Variants in COL5A2 observed in about 807,000 individuals in gnomAD.
COL5A2 encodes collagen alpha-2(V) chain.
In COL5A2, 23 loss-of-function variants were observed where a neutral mutation model predicts 208.2. The observed-to-expected ratio is 0.11, with a 90% CI of 0.08 to 0.16. The LOEUF (loss-of-function observed/expected upper bound fraction) is 0.16. Ranked by LOEUF, COL5A2 falls within the 10% of genes least tolerant of loss-of-function variation. The probability of loss-of-function intolerance (pLI) is 1.00; values close to 1 mark genes in which losing one functional copy is unlikely to be tolerated. For missense variants in COL5A2, 1,590 were observed against 1,956.4 expected, an observed-to-expected ratio of 0.81 and a Z score of 3.53; for synonymous variants, 625 against 628.5, an observed-to-expected ratio of 0.99 and a Z score of 0.08.
At chr2:189,093,610 G>C (rs1686836107) in intron 6 of COL5A2, among the ~76,000 whole-genome samples, 1 of 151,974 alleles carries the variant, frequency 6.6e-6, no homozygotes, top group Non-Finnish European at 1.5e-5. Context: ...GCAGTAGTGG[G>C]ACAAACAAGC....
chr2:189,102,583 T>A (rs1227682799), intron 3 of COL5A2, among the ~76,000 whole-genome samples: 1 of 152,110 alleles, frequency 6.6e-6, no homozygotes, highest in Non-Finnish European at 1.5e-5. Flanking sequence ...TGTACTCAGA[T>A]CCAGATGTGC....
At position 189,033,284 on chromosome 2, in the gene COL5A2, T is replaced by A. The variant is rs367811534; in HGVS notation, c.*786A>T. Reference sequence around the variant, plus strand: ...AAGAAAGTGTAAATGTATTAAATGGTATATACTAGTGTGACTTCTATCAAT... The same window carrying A: ...AAGAAAGTGTAAATGTATTAAATGGAATATACTAGTGTGACTTCTATCAAT... On this transcript the variant is annotated 3_prime_UTR_variant, in exon 54 of 54. Coordinates refer to ENST00000374866, the MANE Select transcript of COL5A2 (RefSeq NM_000393.5). 1.3e-5 allele frequency: 2 copies of A among 152,642 alleles called. No individual in the cohort carries two copies. Among genetic ancestry groups the A allele is most frequent in the East Asian group, 3.8e-4 (2 of 5,198 alleles). 9.5% of individuals were successfully genotyped at this position (152,642 alleles called of 1,614,324 possible). A position where few individuals can be genotyped will look rare whatever the true frequency, so the allele number is the denominator to read the frequency against.
chr2:189,156,636 T>G (rs536763827), intron 1 of COL5A2, among the ~76,000 whole-genome samples: 64 of 152,232 alleles, frequency 4.2e-4, no homozygotes, highest in African/African-American at 1.5e-3. Context: ...TTATCACACA[T>G]TGATGCTTTA....
chr2:189,352,483 C>G, the COL5A2 span, among the ~76,000 whole-genome samples: 1 of 152,064 alleles, frequency 6.6e-6, no homozygotes, highest in Non-Finnish European at 1.5e-5. Context: ...TTTTAATGAT[C>G]GCCATTCTAA....
chr2:189,372,129 C>T, the COL5A2 span, among the ~76,000 whole-genome samples: 1 of 152,202 alleles, frequency 6.6e-6, no homozygotes, highest in Non-Finnish European at 1.5e-5. Context: ...CCACATACAG[C>T]TCAAGCCACT....
At chr2:189,416,325 T>C in the COL5A2 span, among the ~76,000 whole-genome samples, 2 of 152,134 alleles carry the variant, frequency 1.3e-5, no homozygotes, top group Admixed American at 6.5e-5. Flanking sequence ...TGCCCAACAA[T>C]GATAGACTGG....
chr2:189,148,340 A>G (rs1032133883), intron 1 of COL5A2, among the ~76,000 whole-genome samples: 4 of 152,186 alleles, frequency 2.6e-5, no homozygotes, highest in African/African-American at 9.6e-5. Context: ...ATCATGTGGC[A>G]TAAGTTGACA....
chr2:189,052,140 T>C, intron 41 of COL5A2, 32 bp downstream of exon 41: 2 of 1,585,070 alleles, frequency 1.3e-6, no homozygotes, highest in South Asian at 2.2e-5. Context: ...ATTATTTCAT[T>C]ATCAGTGACT....
intron 1 of COL5A2, among the ~76,000 whole-genome samples, chr2:189,114,518 A>G (rs1687348307): frequency 6.6e-6 from 1 of 152,120 alleles, no homozygotes; most frequent in Non-Finnish European, 1.5e-5. Context: ...TAAAATAACA[A>G]AAATTTTCAA....
In COL5A2 at chr2:189,114,125, G is replaced by A. The variant is rs369242514; in HGVS notation, c.98-3676C>T. ...AATTTATAATTAAATTTAAGATGAT[G>A]TGGAAAGTTAGTTGGAATGCTTTTA... On this transcript the variant is annotated intron_variant, in intron 1 of 53. Coordinates refer to ENST00000374866, the MANE Select transcript of COL5A2 (RefSeq NM_000393.5). Among the ~76,000 whole-genome samples, 3 of 152,294 alleles carry A rather than the reference G, an allele frequency of 2.0e-5. No individual in the cohort carries two copies. In the East Asian group the frequency reaches 5.8e-4, roughly 29 times the overall value.
chr2:189,057,207 T>G (rs1449221779), intron 34 of COL5A2, 113 bp downstream of exon 34: 23 of 1,003,082 alleles, frequency 2.3e-5, no homozygotes, highest in Non-Finnish European at 3.5e-5. Flanking sequence ...GAAAAATGAA[T>G]GACTAGTGAC....
chr2:189,440,935 G>A, the COL5A2 span, among the ~76,000 whole-genome samples: 2 of 152,314 alleles, frequency 1.3e-5, no homozygotes, highest in East Asian at 3.9e-4. Context: ...GGACTGTGGA[G>A]ATTCTGTAGT....
Position 189,045,223 on chromosome 2 carries a change from C to A in COL5A2, c.3319G>T (p.Gly1107Cys). The A allele has an allele frequency of 1.9e-6, 3 of 1,605,376 alleles. No individual in the cohort carries two copies. The highest frequency in any genetic ancestry group is 2.6e-6 in the Non-Finnish European group (3 of 1,176,004). ...GCTCGACCAGGTGGTCCTATAGGAC[C>A]CCGAGAACCCTAAAAGAAATTTACA... ...AGQRGDPGSR[G>C]PIGPPGRAGK... Residue 1107 changes from glycine (G) to cysteine (C), a missense_variant, in exon 47 of 54, where the codon GGT (glycine) becomes TGT (cysteine). Physicochemically the swap from Gly to Cys is radical, Grantham distance 159. Coordinates refer to ENST00000374866, the MANE Select transcript of COL5A2 (RefSeq NM_000393.5).
the COL5A2 span, among the ~76,000 whole-genome samples, chr2:189,278,465 T>G: frequency 6.6e-6 from 1 of 152,178 alleles, no homozygotes; most frequent in Non-Finnish European, 1.5e-5. Flanking sequence ...AAAGCATACT[T>G]CTTGGAAGAA....
In COL5A2 at chr2:189,078,379, T is replaced by G. The variant is rs1047930788; in HGVS notation, c.1059+137A>C. On this transcript the variant is annotated intron_variant, in intron 16 of 53. Coordinates refer to ENST00000374866, the MANE Select transcript of COL5A2 (RefSeq NM_000393.5). The stretch of plus-strand genomic sequence containing the variant: ...TTCAACTTTTCTGTAAACCTGACTT[T>G]ATTCCAAAAGAAAAAGAAAAAAAAA... The G allele has an allele frequency of 9.8e-5, 68 of 691,278 alleles. 1 individual carries two copies. Among genetic ancestry groups the G allele is most frequent in the Admixed American group, 2.7e-5 (1 of 36,704 alleles). The allele number at this position is 691,278 out of a possible 1,614,324, so 42.8% of individuals were successfully genotyped here. A position where few individuals can be genotyped will look rare whatever the true frequency, so the allele number is the denominator to read the frequency against.
At chr2:189,145,810 A>T (rs1205133094) in intron 1 of COL5A2, among the ~76,000 whole-genome samples, 1 of 152,136 alleles carries the variant, frequency 6.6e-6, no homozygotes, top group East Asian at 1.9e-4. Context: ...AAGGAAAAAA[A>T]GGAGAAAATA....
intron 1 of COL5A2, among the ~76,000 whole-genome samples, chr2:189,194,310 G>A (rs1345256672): frequency 2.0e-5 from 3 of 152,022 alleles, no homozygotes; most frequent in Non-Finnish European, 2.9e-5. Context: ...TCTCTCACTC[G>A]TAGAAAAGGG....
chr2:189,429,832 G>C, the COL5A2 span, among the ~76,000 whole-genome samples: 1 of 152,034 alleles, frequency 6.6e-6, no homozygotes, highest in Non-Finnish European at 1.5e-5. Flanking sequence ...ACTCCTTCTT[G>C]TTTGGTTGCA....
chr2:189,052,665 T>A, intron 40 of COL5A2, 84 bp downstream of exon 40: 1 of 1,317,996 alleles, frequency 7.6e-7, no homozygotes, highest in Non-Finnish European at 1.1e-6. Flanking sequence ...CAGTCTCAGA[T>A]GAAAATTATC....
Sources: gnomAD v4.1 joint callset for allele counts (sites outside exome capture counted in the v4.1 genomes callset) on GRCh38, gnomAD v4.1.1 for gene constraint, MANE v1.5 for transcripts, NCBI Gene and HGNC (gene_info 2026-07-23, HGNC 2026-07-21) for gene names.